The following MUC4 variants were observed in gnomAD, a reference collection of about 807,000 sequenced individuals.
MUC4 encodes the protein mucin-4.
In MUC4, 202 loss-of-function variants were observed where a neutral mutation model predicts 257.9. That is an observed-to-expected ratio of 0.78 (90% CI 0.70 to 0.88). The LOEUF is 0.88. MUC4 is among the 40% of genes least tolerant of loss of function. The pLI is 0.00. For missense variants in MUC4, 5,976 were observed against 6,513.7 expected (o/e 0.92, Z 2.84); for synonymous variants, 2,351 against 2,757.1 (o/e 0.85, Z 4.62).
rs1403801959 is a variant in MUC4, at chr3:195,783,001, C to G, written c.8579G>C (p.Gly2860Ala). ...GGTGACAGGAAGAGAGGTGGCGTGACCTGTGGACACTGAGGAAGCGTCGGT... is the reference window on the plus strand; with the variant it reads ...GGTGACAGGAAGAGAGGTGGCGTGAGCTGTGGACACTGAGGAAGCGTCGGT... ...PVTDASSVSTGHATSLPVTDA... is the reference protein window; with the variant it reads ...PVTDASSVSTAHATSLPVTDA... The change falls in exon 2 of 25, where the codon GGT becomes GCT. Residue 2860 changes from glycine (G) to alanine (A), a missense_variant. Transcript: ENST00000463781. 1.3e-5 allele frequency: 20 copies of G among 1,501,160 alleles called. No individual in the cohort carries two copies. The highest frequency in any genetic ancestry group is 1.7e-5 in the Non-Finnish European group (19 of 1,117,524). The allele number at this position is 1,501,160 out of a possible 1,614,324, so 93.0% of individuals were successfully genotyped here.
In MUC4 at chr3:195,771,712, C is replaced by T. The variant is rs370635475; in HGVS notation, c.13182G>A (p.Leu4394=). 82 of 1,613,782 alleles carry T rather than the reference C, an allele frequency of 5.1e-5. No homozygotes were observed. Among genetic ancestry groups the T allele is most frequent in the Non-Finnish European group, 6.1e-5 (72 of 1,179,862 alleles). The change falls in exon 5 of 25, where the codon CTG becomes CTA. Residue 4394 remains leucine (L), a synonymous_variant. Coordinates refer to ENST00000463781, the MANE Select transcript of MUC4 (RefSeq NM_018406.7). The part of the protein sequence containing the change: ...TGFTGRDPVA[L]VAPFWDDADF... The stretch of plus-strand genomic sequence containing the variant: ...CAGCATCGTCCCAGAACGGAGCCAC[C>T]AGGGCCACAGGGTCCCGGCCTGTGA...
At position 195,757,270 on chromosome 3, in the gene MUC4, T is replaced by C; in HGVS notation, c.15045A>G (p.Leu5015=). The C allele has an allele frequency of 1.2e-6, 2 of 1,613,368 alleles. No homozygotes were observed. The highest frequency in any genetic ancestry group is 1.7e-6 in the Non-Finnish European group (2 of 1,179,288). The change falls in exon 18 of 25, where the codon CTA becomes CTG. Residue 5015 remains leucine (L), a synonymous_variant. Transcript: ENST00000463781. This position sits in a 1 kb window ranked among gnomAD's most constrained non-coding sequence, Gnocchi z 4.8. ...CCAAGCCAATCTTGGCACTTCTTGC[T>C]AGAATCTCCAGAGTGAATGGCTCCA... ...KSLEPFTLEI[L]ARSAKIGLAS...
chr3:195,748,909 G>A lies in MUC4; in HGVS notation c.16027C>T (p.Arg5343Cys), dbSNP rs141128323. 7.0e-6 allele frequency: 11 copies of A among 1,579,370 alleles called. No homozygotes were observed. The highest frequency in any genetic ancestry group is 2.1e-4 in the Middle Eastern group (1 of 4,818). The change falls in exon 24 of 25, where the codon CGC becomes TGC. Residue 5343 changes from arginine to cysteine, a missense_variant. Arg to Cys is a radical substitution (Grantham distance 180, BLOSUM62 -3). Around this residue, in one of 44 missense-constraint regions of MUC4, gnomAD observed 310 missense variants for 242.1 expected, o/e 1.28. Transcript: ENST00000463781. ...GGCCACAGCCCTATGCACCTGCAGCGGGGCCCACTGGGCAGGTGCTGGCAC... is the reference window on the plus strand; with the variant it reads ...GGCCACAGCCCTATGCACCTGCAGCAGGGCCCACTGGGCAGGTGCTGGCAC... ...GQCQHLPSGP[R>C]CSCVSFSIYT...
chr3:195,771,491 T>G (rs1038912586), intron 5 of MUC4, among the ~76,000 whole-genome samples, 161 bp downstream of exon 5: 2 of 152,118 alleles, frequency 1.3e-5, no homozygotes, highest in African/African-American at 4.8e-5. Context: ...CTGAGTCAGC[T>G]TAATGTCCCT....
At chr3:195,763,009 G>T (rs1335722789) in intron 12 of MUC4, 64 bp from the exon 13 acceptor site, 2 of 1,319,178 alleles carry the variant, frequency 1.5e-6, no homozygotes, top group Non-Finnish European at 1.1e-6. Context: ...CAGGAAAGCA[G>T]CTGGGAGAGC....
rs764418564 is a variant in MUC4 at position 195,760,894 on chromosome 3, G to A, written c.14838C>T (p.Asn4946=). ...CCTCGGGCCACTTACTGAGGGTGGCGTTCGCCTGCTCGTAGTTTTTACTGA... is the reference window on the plus strand; with the variant it reads ...CCTCGGGCCACTTACTGAGGGTGGCATTCGCCTGCTCGTAGTTTTTACTGA... ...REVSKNYEQA[N]ATLNQYPPSI... The change falls in exon 16 of 25, where the codon AAC becomes AAT. Residue 4946 remains asparagine, a synonymous_variant. Transcript: ENST00000463781. 8 of 1,613,958 alleles carry A rather than the reference G, an allele frequency of 5.0e-6. No homozygotes were observed. Among genetic ancestry groups the A allele is most frequent in the East Asian group, 2.2e-5 (1 of 44,902 alleles).
chr3:195,774,026 G>A, intron 4 of MUC4, 146 bp downstream of exon 4: 1 of 1,116,794 alleles, frequency 9.0e-7, no homozygotes, highest in Non-Finnish European at 1.2e-6. Context: ...CTCAGGCAGA[G>A]GCCTGACATT....
chr3:195,761,662 TG>T, intron 14 of MUC4, 77 bp from the exon 15 acceptor site: 1 of 1,167,518 alleles, frequency 8.6e-7, no homozygotes, highest in Non-Finnish European at 1.3e-6. Context: ...GCGGACGCAG[TG>T]GGGAGAGGCC....
intron 13 of MUC4, 32 bp downstream of exon 13, chr3:195,762,823 G>A (rs1219512325): frequency 4.1e-6 from 6 of 1,479,270 alleles, no homozygotes; most frequent in Admixed American, 2.0e-5. Context: ...CTCCCGGTGC[G>A]GGGAGGGGGC....
intron 2 of MUC4, 131 bp downstream of exon 2, chr3:195,778,659 C>G (rs2148904456): frequency 7.8e-7 from 1 of 1,282,588 alleles, no homozygotes; most frequent in Non-Finnish European, 1.1e-6. Context: ...CACCCATCAC[C>G]TCCTCCCCTG....
intron 1 of MUC4, among the ~76,000 whole-genome samples, chr3:195,793,526 A>T (rs1425954252): frequency 2.6e-5 from 4 of 152,058 alleles, no homozygotes; most frequent in Admixed American, 2.6e-4. Context: ...TAAATAAAAT[A>T]AAAAAGGAGA....
In MUC4 at chr3:195,788,707, G is replaced by C; in HGVS notation, c.2873C>G (p.Ser958Ter). 6.2e-7 allele frequency: 1 copy of C among 1,612,718 alleles called. No homozygotes were observed. The highest frequency in any genetic ancestry group is 8.5e-7 in the Non-Finnish European group (1 of 1,179,772). ...TSPQTETHTLSPSGSGKTFTT... is the reference protein window; with the variant it reads ...TSPQTETHTL ...GAAGGTTTTACCAGACCCTGAAGGT[G>C]ACAGAGTGTGGGTCTCGGTTTGTGG... The change falls in exon 2 of 25, where the codon TCA (serine) becomes TGA (stop). Residue 958 changes from serine (S) to a stop codon, truncating the protein, a stop_gained. Transcript: ENST00000463781. LOFTEE classifies it high-confidence loss of function.
At chr3:195,804,429 C>G (rs1389236244) in intron 1 of MUC4, among the ~76,000 whole-genome samples, 2 of 152,226 alleles carry the variant, frequency 1.3e-5, no homozygotes, top group African/African-American at 4.8e-5. Context: ...ATGAGTGACG[C>G]TGGCAGAAGA....
chr3:195,767,763 C>CCACCAT (rs1721544651), intron 7 of MUC4, among the ~76,000 whole-genome samples: 2 of 98,516 alleles, frequency 2.0e-5, no homozygotes, highest in African/African-American at 8.9e-5. Context: ...ACCACCATCA[C>CCACCAT]CACCACCACC....
rs535120450 is a variant in MUC4 at position 195,763,373 on chromosome 3, T to A, written c.14253+60A>T. On this transcript the variant is annotated intron_variant, in intron 12 of 24. Coordinates refer to ENST00000463781, the MANE Select transcript of MUC4 (RefSeq NM_018406.7). Reference sequence around the variant, plus strand: ...CTCTCTTCCTTCTCCTCGGCCTCAGTATGTGGCTGAAGGTCCCTGTGGGTG... The same window carrying A: ...CTCTCTTCCTTCTCCTCGGCCTCAGAATGTGGCTGAAGGTCCCTGTGGGTG... 9 of 1,373,802 alleles carry A rather than the reference T, an allele frequency of 6.6e-6. No individual in the cohort carries two copies. The East Asian group carries it at 2.3e-4, about 35-fold the overall frequency. The allele number at this position is 1,373,802 out of a possible 1,614,324, so 85.1% of individuals were successfully genotyped here. A position where few individuals can be genotyped will look rare whatever the true frequency, so the allele number is the denominator to read the frequency against.
At position 195,790,659 on chromosome 3, in the gene MUC4, T is replaced by C; in HGVS notation, c.921A>G (p.Pro307=). The change falls in exon 2 of 25, where the codon CCA becomes CCG. Residue 307 remains proline (P), a synonymous_variant. Transcript: ENST00000463781. ...LVTFDPEGQS[P]ATFSRTSTQD... ...GAGTAGAAGTCCTTGAGAAAGTTGC[T>C]GGTGATTGTCCTTCTGGATCAAATG... is the stretch of plus-strand genomic sequence containing the variant. 6.2e-7 allele frequency: 1 copy of C among 1,613,962 alleles called. No homozygotes were observed.
In MUC4 at chr3:195,799,265, C is replaced by CTG. The variant is rs1350416476; in HGVS notation, c.83-7770_83-7769dup. On this transcript the variant is annotated intron_variant, in intron 1 of 24. Coordinates refer to ENST00000463781, the MANE Select transcript of MUC4 (RefSeq NM_018406.7). ...TGTGTGTGTGTGTGTGTGTGTGACACTGTGTGTGTGTGTCCCTGCCCTTAT... is the reference window on the plus strand; with the variant it reads ...TGTGTGTGTGTGTGTGTGTGTGACACTGTGTGTGTGTGTGTCCCTGCCCTTAT... 1.2e-4 allele frequency among the ~76,000 whole-genome samples: 10 copies of CTG among 81,482 alleles called. No homozygotes were observed. In the East Asian group the frequency reaches 3.1e-3, roughly 25 times the overall value. 53.5% of individuals were successfully genotyped at this position (81,482 alleles called of 152,430 possible).
intron 24 of MUC4, among the ~76,000 whole-genome samples, chr3:195,748,018 C>T (rs1281198282): frequency 5.3e-5 from 8 of 152,288 alleles, no homozygotes; most frequent in Middle Eastern, 3.4e-3. Context: ...CGGGCCCCGC[C>T]CCACCCGCGC....
intron 20 of MUC4, 96 bp from the exon 21 acceptor site, chr3:195,752,542 C>G: frequency 1.9e-6 from 2 of 1,054,170 alleles, no homozygotes. Flanking sequence ...TGCTCCATTC[C>G]AGTGACAGAA....
Sources: gnomAD v4.1 joint callset for allele counts (sites outside exome capture counted in the v4.1 genomes callset) on GRCh38, gnomAD v4.1.1 for gene constraint, gnomAD v4.1.1 regional missense constraint, Gnocchi (gnomAD v3.1) non-coding constraint, MANE v1.5 for transcripts, NCBI Gene and HGNC (gene_info 2026-07-23, HGNC 2026-07-21) for gene names.